Variants in TRIM24 observed in about 807,000 individuals in gnomAD.
TRIM24 encodes tripartite motif containing 24.
Under a neutral mutation model 123.9 loss-of-function variants are expected in TRIM24, and 29 were observed. The ratio of observed to expected loss-of-function variants is 0.23; its 90% CI spans 0.17 to 0.32. TRIM24 has a LOEUF of 0.32. Ranked by LOEUF, TRIM24 falls within the 10% of genes least tolerant of loss-of-function variation. The probability of loss-of-function intolerance (pLI) is 1.00; values close to 1 mark genes in which losing one functional copy is unlikely to be tolerated. For missense variants in TRIM24, 932 were observed against 1,295.3 expected, an observed-to-expected ratio of 0.72 and a Z score of 4.31; for synonymous variants, 456 against 461.1, an observed-to-expected ratio of 0.99 and a Z score of 0.14.
Position 138,554,573 on chromosome 7 carries a change from A to T in TRIM24, c.1262-125A>T. On this transcript the variant is annotated intron_variant, in intron 8 of 18. Transcript: ENST00000343526. The surrounding 1 kb of genome is among the most constrained non-coding windows in gnomAD (Gnocchi z 4.5). ...TTTGGGGGTTCTCTTTCAGAGTGTT[A>T]AAGGGCTCATGAGATCAGAGAATTT... The T allele has an allele frequency of 1.0e-6, 1 of 974,300 alleles. No homozygotes were observed. Among genetic ancestry groups the T allele is most frequent in the Non-Finnish European group, 1.5e-6 (1 of 659,610 alleles). The allele number at this position is 974,300 out of a possible 1,614,324, so 60.4% of individuals were successfully genotyped here.
At chr7:138,583,341 T>C (rs1797942759) in intron 17 of TRIM24, among the ~76,000 whole-genome samples, 1 of 152,204 alleles carries the variant, frequency 6.6e-6, no homozygotes, top group Non-Finnish European at 1.5e-5. Flanking sequence ...TAATTGGGGC[T>C]GGGTGCAGTG....
At chr7:138,487,501 T>G (rs1442115322) in intron 1 of TRIM24, among the ~76,000 whole-genome samples, 2 of 152,196 alleles carry the variant, frequency 1.3e-5, no homozygotes, top group Non-Finnish European at 2.9e-5. Context: ...TAGCTCTTAT[T>G]ATTTTGAGAT....
intron 9 of TRIM24, among the ~76,000 whole-genome samples, chr7:138,563,604 C>G (rs10224559): frequency 0.018 from 2,779 of 152,208 alleles, 70 homozygotes; most frequent in African/African-American, 0.061. Flanking sequence ...TTCATGCCTG[C>G]GAAATTTTTT....
At chr7:138,522,525 A>G (rs1366482684) in intron 4 of TRIM24, among the ~76,000 whole-genome samples, 1 of 152,212 alleles carries the variant, frequency 6.6e-6, no homozygotes, top group Non-Finnish European at 1.5e-5. Flanking sequence ...TGTGATAACT[A>G]AAGTCTACTG....
At chr7:138,584,235 T>C (rs1797965910) in intron 18 of TRIM24, among the ~76,000 whole-genome samples, 2 of 152,218 alleles carry the variant, frequency 1.3e-5, no homozygotes, top group Non-Finnish European at 2.9e-5. Flanking sequence ...ACAAAATGTT[T>C]TTCTCTGACC....
At chr7:138,521,244 T>G (rs1796498309) in intron 4 of TRIM24, among the ~76,000 whole-genome samples, 1 of 152,130 alleles carries the variant, frequency 6.6e-6, no homozygotes, top group African/African-American at 2.4e-5. Flanking sequence ...TAGGTATGAG[T>G]AAATCTAAAT....
intron 2 of TRIM24, among the ~76,000 whole-genome samples, chr7:138,509,531 G>A (rs564413330): frequency 4.0e-5 from 6 of 149,614 alleles, no homozygotes; most frequent in Admixed American, 2.0e-4. Context: ...GTGAAAGCCC[G>A]TCTCTACTAA....
intron 1 of TRIM24, chr7:138,490,756 A>G: frequency 2.0e-6 from 1 of 497,590 alleles, no homozygotes; most frequent in Non-Finnish European, 3.9e-6. Flanking sequence ...TGGAGAGGAG[A>G]AATAGATTGG....
chr7:138,582,271 G>A (rs550594788), intron 17 of TRIM24, among the ~76,000 whole-genome samples: 23 of 152,270 alleles, frequency 1.5e-4, no homozygotes, highest in East Asian at 1.4e-3. Context: ...GGCCGGGCGC[G>A]GTGGCTCACG....
intron 1 of TRIM24, among the ~76,000 whole-genome samples, chr7:138,494,643 C>T (rs1200409575): frequency 2.0e-5 from 3 of 152,170 alleles, no homozygotes; most frequent in Non-Finnish European, 2.9e-5. Context: ...AGTGTGTCAA[C>T]TAAAACTATA....
chr7:138,566,557 T>C (rs574948275), intron 9 of TRIM24, among the ~76,000 whole-genome samples: 1 of 152,304 alleles, frequency 6.6e-6, no homozygotes, highest in East Asian at 1.9e-4. Context: ...TCCTCTAAGT[T>C]GTAATTACTC....
At chr7:138,540,838 G>A (rs377633191) in intron 7 of TRIM24, among the ~76,000 whole-genome samples, 1 of 152,110 alleles carries the variant, frequency 6.6e-6, no homozygotes, top group Non-Finnish European at 1.5e-5. Flanking sequence ...CTTATGTAAC[G>A]TATTTCTTTT....
intron 1 of TRIM24, among the ~76,000 whole-genome samples, chr7:138,486,260 C>CA (rs1445548978): frequency 6.6e-6 from 1 of 152,108 alleles, no homozygotes. Flanking sequence ...AGGTAAATTG[C>CA]AAAAATTTTT....
rs34173478 is a variant in TRIM24 at position 138,589,008 on chromosome 7, C to CAA, written c.*4071_*4072dup. 3.7e-4 allele frequency: 48 copies of CAA among 128,526 alleles called. No individual in the cohort carries two copies. The highest frequency in any genetic ancestry group is 8.6e-3 in the Middle Eastern group (2 of 232). 8.0% of individuals were successfully genotyped at this position (128,526 alleles called of 1,614,324 possible). A position where few individuals can be genotyped will look rare whatever the true frequency, so the allele number is the denominator to read the frequency against. ...GGGCAACAAGAGCAAAACTCTGTCT[C>CAA]AAAAAAAAAAAAAAATGGTGACCAT... On this transcript the variant is annotated 3_prime_UTR_variant, in exon 19 of 19. Transcript: ENST00000343526.
chr7:138,531,879 G>A (rs1263487083), intron 6 of TRIM24, among the ~76,000 whole-genome samples: 4 of 152,154 alleles, frequency 2.6e-5, no homozygotes, highest in Admixed American at 2.6e-4. Flanking sequence ...TCCAGCACCT[G>A]TTGTTTCCTG....
intron 9 of TRIM24, among the ~76,000 whole-genome samples, chr7:138,564,238 C>T (rs1361682956): frequency 6.6e-6 from 1 of 152,154 alleles, no homozygotes; most frequent in Non-Finnish European, 1.5e-5. Flanking sequence ...GTCCCCGTGT[C>T]TCCCTAAGAG....
At chr7:138,559,195 G>A (rs1797375880) in intron 9 of TRIM24, among the ~76,000 whole-genome samples, 2 of 152,100 alleles carry the variant, frequency 1.3e-5, no homozygotes, top group African/African-American at 4.8e-5. Flanking sequence ...CTGGTTATGA[G>A]CACAAGTTCC....
At chr7:138,557,617 G>T (rs934607079) in intron 9 of TRIM24, among the ~76,000 whole-genome samples, 1 of 152,136 alleles carries the variant, frequency 6.6e-6, no homozygotes, top group Non-Finnish European at 1.5e-5. Context: ...GCTGGAACAT[G>T]GGCTAATTTT....
At chr7:138,480,383 A>G (rs542391315) in intron 1 of TRIM24, among the ~76,000 whole-genome samples, 1 of 152,260 alleles carries the variant, frequency 6.6e-6, no homozygotes, top group East Asian at 1.9e-4. Flanking sequence ...ATTTCTTCCT[A>G]TCTTCATTTA....
Sources: allele counts gnomAD v4.1 joint callset (sites outside exome capture counted in the v4.1 genomes callset), GRCh38; gene constraint gnomAD v4.1.1; non-coding constraint Gnocchi (gnomAD v3.1); transcripts MANE v1.5; gene names NCBI Gene and HGNC (gene_info 2026-07-23, HGNC 2026-07-21).